Variants in CAST observed in about 807,000 individuals in gnomAD.
The protein encoded by CAST is calpastatin.
Under a neutral mutation model 119.6 loss-of-function variants are expected in CAST, and 76 were observed. That is an observed-to-expected ratio of 0.64 (90% confidence interval 0.53 to 0.77). The LOEUF is 0.77. CAST is among the 30% of genes least tolerant of loss of function. The pLI is 0.00. For synonymous variants in CAST, 319 were observed against 331.6 expected (o/e 0.96, Z 0.41); for missense variants, 953 against 946.5 (o/e 1.01, Z -0.09).
the CAST span, chr5:96,433,287 T>A: frequency 1.8e-6 from 1 of 550,266 alleles, no homozygotes; most frequent in Non-Finnish European, 3.3e-6. Flanking sequence ...GAAATGAGTG[T>A]TTACACGTCA....
the CAST span, among the ~76,000 whole-genome samples, chr5:96,506,809 C>T: frequency 3.3e-5 from 5 of 152,150 alleles, no homozygotes; most frequent in Admixed American, 6.5e-5. Context: ...GGCCAGGGGG[C>T]CTGAGGCTTT....
chr5:96,075,733 T>C, the CAST span, among the ~76,000 whole-genome samples: 1 of 152,186 alleles, frequency 6.6e-6, no homozygotes, highest in Admixed American at 6.6e-5. Context: ...TCTGGAAGGA[T>C]CATTTTTAAG....
At chr5:96,509,810 G>A in the CAST span, among the ~76,000 whole-genome samples, 11 of 152,246 alleles carry the variant, frequency 7.2e-5, no homozygotes, top group East Asian at 1.9e-4. Context: ...TATTTGTACC[G>A]TTGTCTAACT....
the CAST span, among the ~76,000 whole-genome samples, chr5:96,419,480 C>G: frequency 3.3e-5 from 5 of 150,254 alleles, no homozygotes; most frequent in African/African-American, 1.2e-4. Flanking sequence ...ATACCTCTAA[C>G]TCAAGGAAGT....
chr5:96,083,076 T>G, the CAST span, among the ~76,000 whole-genome samples: 1 of 152,218 alleles, frequency 6.6e-6, no homozygotes, highest in African/African-American at 2.4e-5. Flanking sequence ...CGGTTTAGAT[T>G]GTAGCACTTA....
the CAST span, among the ~76,000 whole-genome samples, chr5:96,034,349 T>G: frequency 6.6e-6 from 1 of 151,760 alleles, no homozygotes. Context: ...TCTCACACAC[T>G]GTTGGTGGGA....
In CAST at chr5:96,687,118, G is replaced by A. The variant is rs77348501; in HGVS notation, c.139-8718G>A. ...TAAAAGGAAACATCAGGGATAAGGC[G>A]GATTCTGGGAAAAGTGACCTATAGG... On this transcript the variant is annotated intron_variant, in intron 2 of 31. Transcript: ENST00000675179. 4.2e-3 allele frequency among the ~76,000 whole-genome samples: 638 copies of A among 152,318 alleles called. 10 individuals are homozygous for A. Among genetic ancestry groups the A allele is most frequent in the African/African-American group, 0.014 (597 of 41,556 alleles).
chr5:96,624,609 A>G (rs1313144251), intron 1 of CAST, among the ~76,000 whole-genome samples: 1 of 152,228 alleles, frequency 6.6e-6, no homozygotes, highest in Non-Finnish European at 1.5e-5. Flanking sequence ...CTCAAAGCAA[A>G]GAATGGGTGG....
At chr5:96,640,845 G>T (rs1305968162) in intron 1 of CAST, among the ~76,000 whole-genome samples, 3 of 152,200 alleles carry the variant, frequency 2.0e-5, no homozygotes, top group Non-Finnish European at 4.4e-5. Context: ...CCCAAAGGGG[G>T]CAGACCTTTG....
At chr5:96,706,476 G>T (rs1755005602) in intron 3 of CAST, among the ~76,000 whole-genome samples, 1 of 152,204 alleles carries the variant, frequency 6.6e-6, no homozygotes. Flanking sequence ...GAGGGTTGAG[G>T]TTAAGCTTGG....
At chr5:96,445,547 CTT>C in the CAST span, among the ~76,000 whole-genome samples, 1 of 152,170 alleles carries the variant, frequency 6.6e-6, no homozygotes, top group African/African-American at 2.4e-5. Flanking sequence ...CTTTACCTCT[CTT>C]TTCCTCTTCA....
the CAST span, among the ~76,000 whole-genome samples, chr5:96,079,897 A>C: frequency 6.6e-6 from 1 of 152,310 alleles, no homozygotes; most frequent in South Asian, 2.1e-4. Context: ...GTCCTCTAAT[A>C]ATAGGTATTT....
chr5:96,718,898 C>T (rs1757685343), intron 3 of CAST, among the ~76,000 whole-genome samples: 1 of 152,088 alleles, frequency 6.6e-6, no homozygotes, highest in African/African-American at 2.4e-5. Context: ...GCATCCGATG[C>T]CCCACTCTGT....
upstream of CAST, chr5:96,525,543 T>C (rs1433763645): frequency 2.0e-5 from 3 of 152,234 alleles, no homozygotes; most frequent in Non-Finnish European, 4.4e-5. Flanking sequence ...ATGAAGCGTT[T>C]TCCAAAAGGC....
At chr5:96,264,869 T>C in the CAST span, among the ~76,000 whole-genome samples, 1 of 152,252 alleles carries the variant, frequency 6.6e-6, no homozygotes, top group Non-Finnish European at 1.5e-5. Context: ...CAATTGTAGA[T>C]GATTTACCTT....
the CAST span, among the ~76,000 whole-genome samples, chr5:96,234,632 A>G: frequency 6.6e-6 from 1 of 152,160 alleles, no homozygotes; most frequent in Admixed American, 6.5e-5. Flanking sequence ...TTCTCTCATG[A>G]CAGCTGTTCC....
chr5:96,762,640 A>G, intron 25 of CAST: 1 of 386,682 alleles, frequency 2.6e-6, no homozygotes. Flanking sequence ...TGAAAGTGCA[A>G]TAAAGTGCAT....
chr5:96,378,518 T>C, the CAST span, among the ~76,000 whole-genome samples: 1 of 152,114 alleles, frequency 6.6e-6, no homozygotes, highest in African/African-American at 2.4e-5. Flanking sequence ...TGTGCCAGTT[T>C]TATAAGCAAA....
the CAST span, among the ~76,000 whole-genome samples, chr5:96,114,836 A>T: frequency 6.6e-6 from 1 of 152,112 alleles, no homozygotes; most frequent in East Asian, 1.9e-4. Context: ...AGTTTCCCAA[A>T]ACTAGCCACA....
Sources: gnomAD v4.1 joint callset for allele counts (sites outside exome capture counted in the v4.1 genomes callset) on GRCh38, gnomAD v4.1.1 for gene constraint, MANE v1.5 for transcripts, NCBI Gene and HGNC (gene_info 2026-07-23, HGNC 2026-07-21) for gene names.